GALNT2: variants seen among roughly 807,000 people sequenced by gnomAD.
GALNT2 encodes the protein UDP-GalNAc:polypeptide N-acetylgalactosaminyltransferase 2.
Under a neutral mutation model 81.4 loss-of-function variants are expected in GALNT2, and 31 were observed. The ratio of observed to expected loss-of-function variants is 0.38; its 90% CI spans 0.29 to 0.51. The LOEUF is 0.51. Among genes scored for constraint, GALNT2 ranks in the 20% least tolerant of loss-of-function variants. The pLI, the probability that GALNT2 is intolerant of heterozygous loss-of-function variation, is 0.87. For synonymous variants in GALNT2, 303 were observed against 287.4 expected (o/e 1.05, Z -0.55); for missense variants, 629 against 765.7 (o/e 0.82, Z 2.11).
intron 1 of GALNT2, among the ~76,000 whole-genome samples, chr1:230,086,001 T>C (rs1192675772): frequency 6.6e-6 from 1 of 152,166 alleles, no homozygotes; most frequent in Non-Finnish European, 1.5e-5. Flanking sequence ...CCTAAGGTGA[T>C]TGGAAACTGC....
intron 8 of GALNT2, 55 bp from the exon 9 acceptor site, chr1:230,249,129 C>T (rs866586671): frequency 2.8e-5 from 41 of 1,476,084 alleles, no homozygotes; most frequent in Middle Eastern, 3.4e-4. Context: ...ATGGGGGTGT[C>T]GGGAGGAAGT....
At chr1:230,241,966 G>A (rs1665214379) in intron 6 of GALNT2, among the ~76,000 whole-genome samples, 1 of 152,208 alleles carries the variant, frequency 6.6e-6, no homozygotes, top group South Asian at 2.1e-4. Context: ...CTTGGTTCCT[G>A]TGTGGTTCAG....
At chr1:230,076,501 G>T (rs986881030) in intron 1 of GALNT2, among the ~76,000 whole-genome samples, 4 of 152,138 alleles carry the variant, frequency 2.6e-5, no homozygotes, top group Non-Finnish European at 4.4e-5. Context: ...TCAGATGCCT[G>T]CCTGATACCC....
rs894105929 is a variant in GALNT2, at chr1:230,243,535, G to A, written c.729+108G>A. 3 of 1,361,812 alleles carry A rather than the reference G, an allele frequency of 2.2e-6. No individual in the cohort carries two copies. Among genetic ancestry groups the A allele is most frequent in the African/African-American group, 3.0e-5 (2 of 67,318 alleles). 84.4% of individuals were successfully genotyped at this position (1,361,812 alleles called of 1,614,324 possible). Reference sequence around the variant, plus strand: ...GTAACGCAGGGAGTAGGGCGTCAGGGCTGGTAGGGGCTGAGCTCGCCGTCT... The same window carrying A: ...GTAACGCAGGGAGTAGGGCGTCAGGACTGGTAGGGGCTGAGCTCGCCGTCT... On this transcript the variant is annotated intron_variant, in intron 7 of 15. Transcript: ENST00000366672. The surrounding 1 kb of genome is among the most constrained non-coding windows in gnomAD (Gnocchi z 4.2).
chr1:230,111,657 C>T (rs369617650), intron 1 of GALNT2, among the ~76,000 whole-genome samples: 154 of 152,356 alleles, frequency 1.0e-3, no homozygotes, highest in African/African-American at 3.6e-3. Context: ...TGTTACACCT[C>T]TCACTTTGAT....
chr1:230,060,452 T>G (rs746084811), intron 1 of GALNT2, among the ~76,000 whole-genome samples: 1 of 152,144 alleles, frequency 6.6e-6, no homozygotes, highest in Non-Finnish European at 1.5e-5. Flanking sequence ...CCCTCATAAG[T>G]GATGCTAGTT....
At chr1:230,183,644 A>G (rs1291070870) in intron 2 of GALNT2, among the ~76,000 whole-genome samples, 1 of 152,230 alleles carries the variant, frequency 6.6e-6, no homozygotes, top group African/African-American at 2.4e-5. Flanking sequence ...TGTTGCTATT[A>G]TTATTTCAAA....
intron 1 of GALNT2, among the ~76,000 whole-genome samples, chr1:230,085,874 A>G (rs1229863531): frequency 6.6e-6 from 1 of 151,996 alleles, no homozygotes; most frequent in East Asian, 1.9e-4. Flanking sequence ...GGGGTGAAGG[A>G]TGTTTGACAG....
intron 2 of GALNT2, among the ~76,000 whole-genome samples, chr1:230,194,921 G>A (rs150179277): frequency 1.1e-4 from 16 of 152,328 alleles, no homozygotes; most frequent in African/African-American, 3.4e-4. Flanking sequence ...GTGGACACGA[G>A]GGGAGGAGAG....
chr1:230,126,377 G>A (rs573526666), intron 1 of GALNT2, among the ~76,000 whole-genome samples: 2 of 152,288 alleles, frequency 1.3e-5, no homozygotes, highest in South Asian at 4.2e-4. Flanking sequence ...GGGCCCGCTG[G>A]GGTGCTCTGA....
chr1:230,255,528 A>G (rs1665685803), intron 11 of GALNT2, 184 bp downstream of exon 11: 1 of 702,920 alleles, frequency 1.4e-6, no homozygotes, highest in Non-Finnish European at 2.4e-6. Context: ...GCGCCTTTCC[A>G]GGGCATGATG....
chr1:230,136,389 T>G (rs1015139342), intron 1 of GALNT2, among the ~76,000 whole-genome samples: 1 of 152,212 alleles, frequency 6.6e-6, no homozygotes. Context: ...TGGGGCCTGT[T>G]CCTGGTGGCC....
intron 14 of GALNT2, among the ~76,000 whole-genome samples, chr1:230,273,713 G>A (rs1025114779): frequency 2.0e-5 from 3 of 152,156 alleles, no homozygotes; most frequent in African/African-American, 7.2e-5. Flanking sequence ...ACATCATGGT[G>A]TGTTATTTAA....
intron 1 of GALNT2, among the ~76,000 whole-genome samples, chr1:230,092,801 T>G (rs573618994): frequency 9.2e-5 from 14 of 152,218 alleles, no homozygotes; most frequent in African/African-American, 2.9e-4. Context: ...TAAGCACAGA[T>G]TCATTAAAAT....
intron 3 of GALNT2, among the ~76,000 whole-genome samples, chr1:230,229,981 A>G (rs1264562504): frequency 2.0e-5 from 3 of 152,192 alleles, no homozygotes; most frequent in Non-Finnish European, 4.4e-5. Flanking sequence ...TCATCCTGTC[A>G]TGTGTCATTT....
intron 3 of GALNT2, among the ~76,000 whole-genome samples, chr1:230,223,191 CTTTT>C (rs68127660): frequency 1.4e-5 from 2 of 139,212 alleles, no homozygotes; most frequent in South Asian, 2.3e-4. Context: ...TTTTTCTTTT[CTTTT>C]TTTTTTTTTT....
At chr1:230,222,100 C>T (rs1184488215) in intron 3 of GALNT2, among the ~76,000 whole-genome samples, 1 of 139,976 alleles carries the variant, frequency 7.1e-6, no homozygotes, top group Admixed American at 7.9e-5. Flanking sequence ...GATCTCAGCT[C>T]ACTGCAAGCT....
chr1:230,178,310 A>G lies in GALNT2; in HGVS notation c.219A>G (p.Pro73=). 1 of 1,611,666 alleles carries G rather than the reference A, an allele frequency of 6.2e-7. No individual in the cohort carries two copies. Among genetic ancestry groups the G allele is most frequent in the Non-Finnish European group, 8.5e-7 (1 of 1,178,032 alleles). Reference sequence around the variant, plus strand: ...CACAAAGCATGGAGACCCTCCCTCCAGGTACTGCCAGGGGCCAGGAAGCCA... The same window carrying G: ...CACAAAGCATGGAGACCCTCCCTCCGGGTACTGCCAGGGGCCAGGAAGCCA... ...EKAQSMETLP[P]GKVRWPDFNQ... is the part of the protein sequence containing the mutation. The change falls in exon 2 of 16, where the codon CCA becomes CCG. Residue 73 remains proline, a splice_region_variant and synonymous_variant. Coordinates refer to ENST00000366672, the MANE Select transcript of GALNT2 (RefSeq NM_004481.5).
In GALNT2 at chr1:230,138,191, G is replaced by A. The variant is rs576648498; in HGVS notation, c.127-40027G>A. 1.4e-4 allele frequency among the ~76,000 whole-genome samples: 21 copies of A among 152,294 alleles called. No individual in the cohort carries two copies. The South Asian group carries it at 4.1e-3, about 30-fold the overall frequency. On this transcript the variant is annotated intron_variant, in intron 1 of 15. Transcript: ENST00000366672. ...GATCTTGCACAAGAAAGAATTCAGG[G>A]TGAGTCCATGGAGTAAAGTGAAAGC...
Sources: allele counts gnomAD v4.1 joint callset (sites outside exome capture counted in the v4.1 genomes callset), GRCh38; gene constraint gnomAD v4.1.1; non-coding constraint Gnocchi (gnomAD v3.1); transcripts MANE v1.5; gene names NCBI Gene and HGNC (gene_info 2026-07-23, HGNC 2026-07-21).